SVEP1: variants seen among roughly 807,000 people sequenced by gnomAD.
SVEP1 encodes the protein sushi, von Willebrand factor type A, EGF and pentraxin domain containing 1, also known as sushi, von Willebrand factor type A, EGF and pentraxin domain-containing protein 1.
Under a neutral mutation model 367.3 loss-of-function variants are expected in SVEP1, and 164 were observed. The ratio of observed to expected loss-of-function variants is 0.45; its 90% CI spans 0.39 to 0.51. SVEP1 has a LOEUF of 0.51. Ranked by LOEUF, SVEP1 falls within the 20% of genes least tolerant of loss-of-function variation. The pLI, the probability that SVEP1 is intolerant of heterozygous loss-of-function variation, is 0.00. For missense variants in SVEP1, 4,117 were observed against 4,425.3 expected, an observed-to-expected ratio of 0.93 and a Z score of 1.98; for synonymous variants, 1,666 against 1,611.6, an observed-to-expected ratio of 1.03 and a Z score of -0.81.
intron 5 of SVEP1, among the ~76,000 whole-genome samples, chr9:110,509,045 A>G (rs1208249048): frequency 6.6e-6 from 1 of 152,222 alleles, no homozygotes; most frequent in Non-Finnish European, 1.5e-5. Flanking sequence ...GTAAAAATAT[A>G]CTACTTTCTC....
chr9:110,444,062 T>C (rs1397698095), intron 26 of SVEP1, among the ~76,000 whole-genome samples: 1 of 152,118 alleles, frequency 6.6e-6, no homozygotes, highest in Non-Finnish European at 1.5e-5. Context: ...AGGGTGAGAA[T>C]TGTGTAAATG....
intron 3 of SVEP1, among the ~76,000 whole-genome samples, chr9:110,524,699 ATGTTAT>A (rs1012214864): frequency 2.1e-4 from 32 of 150,284 alleles, no homozygotes; most frequent in Non-Finnish European, 3.7e-4. Flanking sequence ...AATCATACAA[ATGTTAT>A]TATTATTATT....
rs1453054767 is a variant in SVEP1 at position 110,477,842 on chromosome 9, T to C, written c.2488-1527A>G. ...CATCATCTCTTGCTTTCATTTCCTATGTGGTCTTCTTACTCTCTCCTACCC... is the reference window on the plus strand; with the variant it reads ...CATCATCTCTTGCTTTCATTTCCTACGTGGTCTTCTTACTCTCTCCTACCC... On this transcript the variant is annotated intron_variant, in intron 13 of 47. Transcript: ENST00000374469. 3.3e-5 allele frequency among the ~76,000 whole-genome samples: 5 copies of C among 152,192 alleles called. No individual in the cohort carries two copies. The East Asian group carries it at 5.8e-4, about 18-fold the overall frequency.
At position 110,448,971 on chromosome 9, in the gene SVEP1, T is replaced by C. The variant is rs142330535; in HGVS notation, c.4103+1088A>G. On this transcript the variant is annotated intron_variant, in intron 24 of 47. Transcript: ENST00000374469. ...CTAGAAGAAAGGGGATTGGGAAATG[T>C]TGCAATTGGGCTAGATCTTTTTTTT... Among the ~76,000 whole-genome samples the C allele has an allele frequency of 1.6e-4, 25 of 152,344 alleles. No homozygotes were observed. The East Asian group carries it at 4.6e-3, about 28-fold the overall frequency.
chr9:110,372,983 G>A (rs10119435), intron 46 of SVEP1, among the ~76,000 whole-genome samples: 10,807 of 152,196 alleles, frequency 0.071, 715 homozygotes, highest in African/African-American at 0.18. Context: ...AGACAAGAAG[G>A]TCAACTAGGC....
Position 110,472,175 on chromosome 9 carries a change from T to A in SVEP1, c.2748A>T (p.Leu916Phe). Residue 916 changes from leucine to phenylalanine, a missense_variant, in exon 15 of 48, where the codon TTA becomes TTT. Physicochemically the swap from Leu to Phe is conservative, Grantham distance 22. Transcript: ENST00000374469. ...SAPLSDYKIKLIFNITASVPL... is the reference protein window; with the variant it reads ...SAPLSDYKIKFIFNITASVPL... ...TATCCTTACCTGTGATGTTAAAAAT[T>A]AACTTAATTTTATAGTCAGATAATG... is the stretch of plus-strand genomic sequence containing the variant. 1 of 1,611,074 alleles carries A rather than the reference T, an allele frequency of 6.2e-7. No homozygotes were observed. Among genetic ancestry groups the A allele is most frequent in the Middle Eastern group, 1.7e-4 (1 of 6,058 alleles).
At chr9:110,531,938 T>C (rs1449143392) in intron 3 of SVEP1, among the ~76,000 whole-genome samples, 1 of 152,134 alleles carries the variant, frequency 6.6e-6, no homozygotes, top group East Asian at 1.9e-4. Flanking sequence ...CCACTTCCTA[T>C]TGTTGAACTC....
At chr9:110,469,973 G>A (rs903055522) in intron 16 of SVEP1, among the ~76,000 whole-genome samples, 2 of 152,150 alleles carry the variant, frequency 1.3e-5, no homozygotes, top group African/African-American at 4.8e-5. Context: ...AAAACCCAAC[G>A]GAGCTCTTGG....
At chr9:110,389,922 AATCATAGTGT>A (rs2118969668) in intron 40 of SVEP1, among the ~76,000 whole-genome samples, 1 of 151,558 alleles carries the variant, frequency 6.6e-6, no homozygotes, top group Admixed American at 6.6e-5. Flanking sequence ...GAAATATATG[AATCATAGTGT>A]ATCATAATAT....
intron 1 of SVEP1, among the ~76,000 whole-genome samples, chr9:110,568,004 T>C (rs1219911562): frequency 6.6e-6 from 1 of 152,166 alleles, no homozygotes; most frequent in Non-Finnish European, 1.5e-5. Flanking sequence ...CTGCGATACT[T>C]CTAAGGCCTG....
intron 31 of SVEP1, 36 bp downstream of exon 31, chr9:110,432,421 CTAGAA>C: frequency 6.4e-7 from 1 of 1,572,348 alleles, no homozygotes; most frequent in Non-Finnish European, 8.6e-7. Flanking sequence ...ATCTACAGAG[CTAGAA>C]TAATCTCATA....
At chr9:110,427,905 T>C in intron 35 of SVEP1, 147 bp from the exon 36 acceptor site, 1 of 949,434 alleles carries the variant, frequency 1.1e-6, no homozygotes, top group Non-Finnish European at 1.5e-6. Context: ...TTGCTTTATA[T>C]GAAAGCAAGA....
chr9:110,541,998 A>G (rs1306290715), intron 3 of SVEP1, among the ~76,000 whole-genome samples: 1 of 151,650 alleles, frequency 6.6e-6, no homozygotes, highest in Non-Finnish European at 1.5e-5. Flanking sequence ...ATAAAATTAT[A>G]CTATAATTTA....
intron 24 of SVEP1, among the ~76,000 whole-genome samples, chr9:110,448,130 TGTGTGTGTGTGTGTGTGTGCGC>T (rs1196832814): frequency 1.3e-4 from 4 of 30,726 alleles, no homozygotes; most frequent in Non-Finnish European, 2.4e-4. Context: ...AGAAAGTGAA[TGTGTGTGTGTGTGTGTGTGCGC>T]GTGTGTGTGT....
intron 3 of SVEP1, among the ~76,000 whole-genome samples, chr9:110,520,842 T>C (rs1829867419): frequency 6.6e-6 from 1 of 152,186 alleles, no homozygotes; most frequent in Admixed American, 6.5e-5. Context: ...CAAATCACTT[T>C]AAAGAGTTTT....
At chr9:110,534,402 C>T (rs1056917141) in intron 3 of SVEP1, among the ~76,000 whole-genome samples, 2 of 152,118 alleles carry the variant, frequency 1.3e-5, no homozygotes, top group African/African-American at 4.8e-5. Flanking sequence ...TGTACATGCA[C>T]CACATTTTCT....
intron 27 of SVEP1, among the ~76,000 whole-genome samples, chr9:110,441,090 A>G (rs757806302): frequency 2.6e-5 from 4 of 152,160 alleles, no homozygotes; most frequent in Non-Finnish European, 5.9e-5. Context: ...TATTTGGGTA[A>G]TTAGGCATAA....
At chr9:110,451,463 T>C in intron 22 of SVEP1, 61 bp from the exon 23 acceptor site, 1 of 1,253,626 alleles carries the variant, frequency 8.0e-7, no homozygotes. Flanking sequence ...AGACCAATAG[T>C]TTCCAAGCAA....
intron 5 of SVEP1, 147 bp downstream of exon 5, chr9:110,512,779 T>C (rs747933699): frequency 1.9e-4 from 182 of 967,724 alleles, no homozygotes; most frequent in Non-Finnish European, 2.7e-4. Context: ...TAATTCTGAT[T>C]TCAAATTTCC....
Sources: allele counts gnomAD v4.1 joint callset (sites outside exome capture counted in the v4.1 genomes callset), GRCh38; gene constraint gnomAD v4.1.1; transcripts MANE v1.5; gene names NCBI Gene and HGNC (gene_info 2026-07-23, HGNC 2026-07-21).